The following XRCC5 variants were observed in gnomAD, a reference collection of about 807,000 sequenced individuals.
The protein encoded by XRCC5 is DNA repair protein Ku80.
XRCC5 carries 12 observed loss-of-function variants against 95.7 expected under a neutral mutation model. The ratio of observed to expected loss-of-function variants is 0.13; its 90% confidence interval spans 0.08 to 0.20. XRCC5 has a LOEUF of 0.20. XRCC5 is among the 10% of genes least tolerant of loss of function. XRCC5 has a pLI of 1.00. For synonymous variants in XRCC5, 281 were observed against 290.3 expected (o/e 0.97, Z 0.33); for missense variants, 595 against 873.9 (o/e 0.68, Z 4.02).
At chr2:216,141,040 A>T in intron 12 of XRCC5, 146 bp from the exon 13 acceptor site, 1 of 847,650 alleles carries the variant, frequency 1.2e-6, no homozygotes, top group Non-Finnish European at 1.8e-6. Flanking sequence ...GACTTGGGTT[A>T]AATACGTGCA....
chr2:216,167,948 T>A (rs16855534), intron 16 of XRCC5, among the ~76,000 whole-genome samples: 1 of 152,118 alleles, frequency 6.6e-6, no homozygotes, highest in Non-Finnish European at 1.5e-5. Flanking sequence ...GTACTTTGTA[T>A]TTTTATTAAA....
chr2:216,115,283 TTTTGTTTG>T lies in XRCC5; in HGVS notation c.136-1368_136-1361del, dbSNP rs1207960891. Among the ~76,000 whole-genome samples, 8 of 152,254 alleles carry T rather than the reference TTTTGTTTG, an allele frequency of 5.3e-5. No homozygotes were observed. In the South Asian group the frequency reaches 1.7e-3, roughly 32 times the overall value. On this transcript the variant is annotated intron_variant, in intron 2 of 20. Coordinates refer to ENST00000392132, the MANE Select transcript of XRCC5 (RefSeq NM_021141.4). ...CCCAGTAACAAGAGTATAGGTGTTT[TTTTGTTTG>T]TTTGTTTTTGTTGTAGAGAGAAAGA...
At chr2:216,204,748 G>A (rs945794257) in intron 20 of XRCC5, among the ~76,000 whole-genome samples, 6 of 152,124 alleles carry the variant, frequency 3.9e-5, no homozygotes, top group African/African-American at 7.2e-5. Context: ...CAGTTTGTGT[G>A]GGTTGACAAA....
At chr2:216,117,640 C>G in intron 3 of XRCC5, 106 bp from the exon 4 acceptor site, 1 of 1,127,514 alleles carries the variant, frequency 8.9e-7, no homozygotes, top group Non-Finnish European at 1.3e-6. Flanking sequence ...TAAGTCATCA[C>G]ATAGTTCAGT....
At chr2:216,120,075 C>CTGTAG (rs535854607) in intron 5 of XRCC5, among the ~76,000 whole-genome samples, 23 of 151,562 alleles carry the variant, frequency 1.5e-4, no homozygotes, top group Middle Eastern at 3.4e-3. Context: ...GAGTAGTCTT[C>CTGTAG]TCTTAAGACT....
At chr2:216,204,168 G>A in intron 19 of XRCC5, 154 bp from the exon 20 acceptor site, 1 of 803,330 alleles carries the variant, frequency 1.2e-6, no homozygotes, top group East Asian at 2.7e-5. Flanking sequence ...AAATGAAGTA[G>A]CGTATGCCAG....
chr2:216,115,131 A>G (rs41297756), intron 2 of XRCC5, among the ~76,000 whole-genome samples: 7,116 of 151,914 alleles, frequency 0.047, 553 homozygotes, highest in African/African-American at 0.16. Flanking sequence ...CTTAAAATAA[A>G]TTTTTCCTCC....
In XRCC5 at chr2:216,109,634, A is replaced by G. The variant is rs184108888; in HGVS notation, c.21+177A>G. Among the ~76,000 whole-genome samples the G allele has an allele frequency of 2.0e-3, 303 of 152,092 alleles. 1 individual carries two copies. Among genetic ancestry groups the G allele is most frequent in the Non-Finnish European group, 3.7e-3 (253 of 67,966 alleles). ...GGATGCGCTATGAGAAAAGCTGGAG[A>G]TTTGGGGCTCCAAGACCTGAATTTG... On this transcript the variant is annotated intron_variant, in intron 1 of 20. Transcript: ENST00000392132.
At chr2:216,145,624 G>A (rs1179051608) in intron 13 of XRCC5, among the ~76,000 whole-genome samples, 1 of 152,162 alleles carries the variant, frequency 6.6e-6, no homozygotes, top group Non-Finnish European at 1.5e-5. Context: ...AATTTTGTAA[G>A]TATCTCGCTT....
Position 216,122,235 on chromosome 2 carries a change from A to G in XRCC5, c.665A>G (p.Asp222Gly), listed in dbSNP as rs912586782. The G allele has an allele frequency of 7.5e-6, 12 of 1,610,668 alleles. No individual in the cohort carries two copies. The highest frequency in any genetic ancestry group is 1.3e-5 in the African/African-American group (1 of 75,008). Residue 222 changes from aspartate to glycine, a missense_variant, in exon 6 of 21, where the codon GAT becomes GGT. Coordinates refer to ENST00000392132, the MANE Select transcript of XRCC5 (RefSeq NM_021141.4). ...TCTTTAGAAGGTGAAGATGGGTTGG[A>G]TGAAATTTATTCATTCAGGTAAGAA... Reference protein sequence around the residue: ...MISLEGEDGLDEIYSFSESLR... With the variant: ...MISLEGEDGLGEIYSFSESLR...
intron 15 of XRCC5, 124 bp from the exon 16 acceptor site, chr2:216,161,855 T>C: frequency 1.3e-6 from 1 of 797,732 alleles, no homozygotes; most frequent in Non-Finnish European, 2.1e-6. Context: ...AGAAAAGCCC[T>C]TCTCTTTGTC....
chr2:216,154,791 C>T (rs990852741), intron 14 of XRCC5, among the ~76,000 whole-genome samples: 1 of 152,008 alleles, frequency 6.6e-6, no homozygotes, highest in African/African-American at 2.4e-5. Flanking sequence ...CTTTGGACCC[C>T]CAATTAAAAA....
chr2:216,159,986 TGG>T, intron 14 of XRCC5, 80 bp from the exon 15 acceptor site: 1 of 599,216 alleles, frequency 1.7e-6, no homozygotes, highest in Non-Finnish European at 2.7e-6. Flanking sequence ...TTTTTTTTTT[TGG>T]TGCTTGGAAA....
At chr2:216,161,731 C>T (rs939520545) in intron 15 of XRCC5, among the ~76,000 whole-genome samples, 7 of 152,184 alleles carry the variant, frequency 4.6e-5, no homozygotes, top group African/African-American at 1.7e-4. Flanking sequence ...CTTTTTTGAC[C>T]CTTCTGGAAA....
chr2:216,167,501 C>G (rs1346420971), intron 16 of XRCC5, among the ~76,000 whole-genome samples: 1 of 151,596 alleles, frequency 6.6e-6, no homozygotes, highest in Non-Finnish European at 1.5e-5. Context: ...TGCCAGGAGT[C>G]AAGCCCTAAA....
At chr2:216,185,665 T>G (rs544326378) in intron 16 of XRCC5, among the ~76,000 whole-genome samples, 9 of 150,556 alleles carry the variant, frequency 6.0e-5, no homozygotes, top group African/African-American at 2.2e-4. Context: ...TAAATTTGTT[T>G]TTTTCTTTTC....
At chr2:216,156,116 T>G (rs1017174145) in intron 14 of XRCC5, among the ~76,000 whole-genome samples, 97 of 152,338 alleles carry the variant, frequency 6.4e-4, no homozygotes, top group African/African-American at 2.1e-3. Context: ...CCTAGTTATA[T>G]CTAAAGAAAA....
intron 16 of XRCC5, among the ~76,000 whole-genome samples, chr2:216,173,988 T>TA (rs996004589): frequency 6.6e-6 from 1 of 152,240 alleles, no homozygotes; most frequent in African/African-American, 2.4e-5. Context: ...AAATTGTTTG[T>TA]AGTTTTCTTG....
At chr2:216,146,385 C>T (rs947087361) in intron 13 of XRCC5, among the ~76,000 whole-genome samples, 1 of 148,432 alleles carries the variant, frequency 6.7e-6, no homozygotes, top group African/African-American at 2.6e-5. Flanking sequence ...ACATTTTCTT[C>T]AGTGTAGGAA....
Sources: allele counts gnomAD v4.1 joint callset (sites outside exome capture counted in the v4.1 genomes callset), GRCh38; gene constraint gnomAD v4.1.1; transcripts MANE v1.5; gene names NCBI Gene and HGNC (gene_info 2026-07-23, HGNC 2026-07-21).